TAB2: variants seen among roughly 807,000 people sequenced by gnomAD.
The protein encoded by TAB2 is TGF-beta-activated kinase 1 and MAP3K7-binding protein 2.
In TAB2, 3 loss-of-function variants were observed where a neutral mutation model predicts 65.0. The ratio of observed to expected loss-of-function variants is 0.05; its 90% confidence interval spans 0.02 to 0.12. TAB2 has a LOEUF of 0.12. Among genes scored for constraint, TAB2 ranks in the 10% least tolerant of loss-of-function variants. The pLI is 1.00. For synonymous variants in TAB2, 298 were observed against 285.1 expected (o/e 1.05, Z -0.46); for missense variants, 623 against 840.3 (o/e 0.74, Z 3.20).
chr6:149,308,327 C>T (rs1183045406), intron 1 of TAB2, among the ~76,000 whole-genome samples: 1 of 152,108 alleles, frequency 6.6e-6, no homozygotes, highest in Admixed American at 6.5e-5. Context: ...TCCCAGGATA[C>T]AAGAATGCCT....
intron 1 of TAB2, among the ~76,000 whole-genome samples, chr6:149,293,192 A>G (rs1465901742): frequency 6.6e-6 from 1 of 152,150 alleles, no homozygotes; most frequent in East Asian, 1.9e-4. Context: ...GTTGAGAGAG[A>G]AATGTGGGGG....
intron 6 of TAB2, chr6:149,400,409 C>A (rs542559551): frequency 1.2e-5 from 19 of 1,614,040 alleles, no homozygotes; most frequent in Non-Finnish European, 1.6e-5. Context: ...ACGAAAAGCC[C>A]ACAGAAGAAG....
intron 1 of TAB2, among the ~76,000 whole-genome samples, chr6:149,328,216 A>G (rs975207216): frequency 3.9e-5 from 6 of 152,240 alleles, no homozygotes; most frequent in Non-Finnish European, 7.3e-5. Flanking sequence ...TATGTCTTCT[A>G]TGACATGCTT....
intron 1 of TAB2, chr6:149,246,346 C>T (rs1240407855): frequency 1.3e-5 from 2 of 152,214 alleles, no homozygotes; most frequent in Non-Finnish European, 2.9e-5. Context: ...CTACTTTTTA[C>T]AGGACTCTGT....
intron 1 of TAB2, among the ~76,000 whole-genome samples, chr6:149,222,645 TTCATATC>T (rs1777176384): frequency 6.6e-6 from 1 of 151,988 alleles, no homozygotes; most frequent in African/African-American, 2.4e-5. Flanking sequence ...AAACTTTTTT[TTCATATC>T]TCTATATGTG....
At chr6:149,301,803 A>G (rs1467414298) in intron 1 of TAB2, among the ~76,000 whole-genome samples, 1 of 152,206 alleles carries the variant, frequency 6.6e-6, no homozygotes, top group East Asian at 1.9e-4. Flanking sequence ...TCTTATTTTT[A>G]TAATTTCAAA....
At chr6:149,308,986 C>G (rs1168678297) in intron 1 of TAB2, among the ~76,000 whole-genome samples, 1 of 150,906 alleles carries the variant, frequency 6.6e-6, no homozygotes, top group East Asian at 1.9e-4. Context: ...ACATAGCCAG[C>G]CTCTAGTGTA....
intron 1 of TAB2, among the ~76,000 whole-genome samples, chr6:149,225,262 C>T (rs1473750435): frequency 6.6e-6 from 1 of 151,998 alleles, no homozygotes; most frequent in Admixed American, 6.6e-5. Flanking sequence ...TGCTTGTAGG[C>T]CATCAAAATC....
chr6:149,267,606 T>A (rs922691546), intron 1 of TAB2, among the ~76,000 whole-genome samples: 1 of 152,182 alleles, frequency 6.6e-6, no homozygotes, highest in African/African-American at 2.4e-5. Context: ...AAGAACTCAT[T>A]GCAGTCAGGT....
intron 1 of TAB2, among the ~76,000 whole-genome samples, chr6:149,334,180 C>T (rs1041927929): frequency 1.3e-5 from 2 of 152,124 alleles, no homozygotes; most frequent in African/African-American, 4.8e-5. Context: ...TTTTCTCTGC[C>T]TGATTTTTCT....
At chr6:149,302,525 C>A (rs2114704409) in intron 1 of TAB2, among the ~76,000 whole-genome samples, 1 of 152,332 alleles carries the variant, frequency 6.6e-6, no homozygotes, top group East Asian at 1.9e-4. Context: ...TCTGTCTCTG[C>A]ATTCATGCCA....
chr6:149,238,631 C>T (rs535888801), intron 1 of TAB2, among the ~76,000 whole-genome samples: 9 of 152,300 alleles, frequency 5.9e-5, no homozygotes, highest in African/African-American at 2.2e-4. Flanking sequence ...ATGTCCACCA[C>T]GATACTTAAC....
intron 3 of TAB2, among the ~76,000 whole-genome samples, chr6:149,396,821 G>A (rs558914963): frequency 4.4e-4 from 67 of 152,320 alleles, no homozygotes; most frequent in Non-Finnish European, 8.8e-4. Flanking sequence ...CATTTATGTG[G>A]AGTGAAATCA....
intron 1 of TAB2, among the ~76,000 whole-genome samples, chr6:149,297,500 T>C (rs1203369956): frequency 4.6e-5 from 7 of 152,226 alleles, no homozygotes; most frequent in Non-Finnish European, 7.3e-5. Flanking sequence ...TCAATTCATG[T>C]AATTTTTAAA....
intron 3 of TAB2, among the ~76,000 whole-genome samples, chr6:149,383,312 C>T (rs1446650076): frequency 1.3e-5 from 2 of 152,148 alleles, no homozygotes; most frequent in Non-Finnish European, 2.9e-5. Context: ...AAATTAAAGC[C>T]TACCAAGAAA....
chr6:149,398,073 G>A lies in TAB2; in HGVS notation c.1858+11G>A, dbSNP rs749751110. 3.1e-6 allele frequency: 5 copies of A among 1,609,876 alleles called. No individual in the cohort carries two copies. Among genetic ancestry groups the A allele is most frequent in the African/African-American group, 2.7e-5 (2 of 74,812 alleles). ...TTTTTCAAGCCCGAGGTAAAGTTCA[G>A]TGTATTTGTAGCTGAAATTCATCGT... is the stretch of plus-strand genomic sequence containing the variant. On this transcript the variant is annotated intron_variant, in intron 5 of 6. Coordinates refer to ENST00000637181, the MANE Select transcript of TAB2 (RefSeq NM_001292034.3).
At chr6:149,290,117 T>C (rs1364448888) in intron 1 of TAB2, among the ~76,000 whole-genome samples, 1 of 152,182 alleles carries the variant, frequency 6.6e-6, no homozygotes, top group African/African-American at 2.4e-5. Flanking sequence ...GTTCTGTCAG[T>C]CTTAAGTTCT....
chr6:149,271,676 T>A (rs996305272), intron 1 of TAB2, among the ~76,000 whole-genome samples: 1 of 152,180 alleles, frequency 6.6e-6, no homozygotes, highest in African/African-American at 2.4e-5. Context: ...TGGACAATCA[T>A]GTGCTCTGCT....
chr6:149,307,407 G>C (rs1779090178), intron 1 of TAB2, among the ~76,000 whole-genome samples: 1 of 152,150 alleles, frequency 6.6e-6, no homozygotes. Flanking sequence ...AACCAAGGAA[G>C]ACGTGAAATC....
Sources: gnomAD v4.1 joint callset for allele counts (sites outside exome capture counted in the v4.1 genomes callset) on GRCh38, gnomAD v4.1.1 for gene constraint, MANE v1.5 for transcripts, NCBI Gene and HGNC (gene_info 2026-07-23, HGNC 2026-07-21) for gene names.